The following MYO9A variants were observed in gnomAD, a reference collection of about 807,000 sequenced individuals.
The protein encoded by MYO9A is unconventional myosin-IXa.
A neutral mutation model predicts 293.3 loss-of-function variants in MYO9A; 103 were observed. That is an observed-to-expected ratio of 0.35 (90% CI 0.30 to 0.41). The LOEUF is 0.41. Among genes scored for constraint, MYO9A ranks in the 10% least tolerant of loss-of-function variants. The pLI is 1.00. For missense variants in MYO9A, 2,685 were observed against 3,033.0 expected (o/e 0.89, Z 2.69); for synonymous variants, 1,001 against 1,035.7 (o/e 0.97, Z 0.64).
At chr15:71,831,671 A>T (rs2054732903) in intron 39 of MYO9A, among the ~76,000 whole-genome samples, 1 of 152,368 alleles carries the variant, frequency 6.6e-6, no homozygotes, top group African/African-American at 2.4e-5. Context: ...GCAGAAAAAA[A>T]TGAAAACATT....
chr15:72,092,469 C>G lies in MYO9A; in HGVS notation c.-72+25211G>C, dbSNP rs1184235092. Among the ~76,000 whole-genome samples the G allele has an allele frequency of 2.0e-5, 3 of 152,106 alleles. No homozygotes were observed. In the East Asian group the frequency reaches 5.8e-4, roughly 29 times the overall value. ...GTGCCTGCCTGTAGTCCCAGCTACT[C>G]CGGAGGCTGAGGCAGCAGGATCCCT... On this transcript the variant is annotated intron_variant, in intron 1 of 41. Transcript: ENST00000356056.
chr15:71,926,469 G>A (rs1286470538), intron 18 of MYO9A, among the ~76,000 whole-genome samples: 1 of 152,162 alleles, frequency 6.6e-6, no homozygotes, highest in East Asian at 1.9e-4. Flanking sequence ...AGCACTTTGG[G>A]AGGCCGAGGC....
chr15:71,964,770 A>G (rs577747341), intron 13 of MYO9A, among the ~76,000 whole-genome samples: 1 of 152,044 alleles, frequency 6.6e-6, no homozygotes, highest in South Asian at 2.1e-4. Flanking sequence ...CGGGTGACAG[A>G]GTGAGACTCC....
chr15:71,929,839 G>A (rs1386469455), intron 18 of MYO9A, among the ~76,000 whole-genome samples: 1 of 152,176 alleles, frequency 6.6e-6, no homozygotes, highest in Non-Finnish European at 1.5e-5. Context: ...GGTTGAATGG[G>A]AGTTCAACTC....
chr15:71,934,677 T>C (rs1324338145), intron 17 of MYO9A, among the ~76,000 whole-genome samples: 2 of 151,684 alleles, frequency 1.3e-5, no homozygotes, highest in African/African-American at 4.8e-5. Flanking sequence ...CATGACTCAT[T>C]GCAGCCTCAA....
intron 1 of MYO9A, among the ~76,000 whole-genome samples, chr15:72,102,693 G>A (rs2080398973): frequency 6.6e-6 from 1 of 151,892 alleles, no homozygotes; most frequent in Non-Finnish European, 1.5e-5. Flanking sequence ...AAAAACAGAA[G>A]CTTCCTTGAT....
chr15:71,960,831 G>C (rs1224195166), intron 13 of MYO9A, among the ~76,000 whole-genome samples: 2 of 152,212 alleles, frequency 1.3e-5, no homozygotes, highest in Non-Finnish European at 2.9e-5. Context: ...AAAGAAGCCA[G>C]AGATGAGAAA....
chr15:71,928,675 T>C (rs1253644767), intron 18 of MYO9A, among the ~76,000 whole-genome samples: 1 of 152,156 alleles, frequency 6.6e-6, no homozygotes, highest in East Asian at 1.9e-4. Context: ...GAATTTACTA[T>C]AAAATAGTTT....
In MYO9A at chr15:71,974,490, T is replaced by C. The variant is rs555071086; in HGVS notation, c.1844+3681A>G. On this transcript the variant is annotated intron_variant, in intron 12 of 41. Coordinates refer to ENST00000356056, the MANE Select transcript of MYO9A (RefSeq NM_006901.4). ...GGGAGGAGTACACTGGTATAACAAC[T>C]ATAATTTTTTTCTTCCCCAGATGAC... is the stretch of plus-strand genomic sequence containing the variant. Among the ~76,000 whole-genome samples the C allele has an allele frequency of 1.2e-3, 183 of 152,204 alleles. 2 individuals are homozygous for C. Among genetic ancestry groups the C allele is most frequent in the Non-Finnish European group, 2.4e-3 (162 of 68,044 alleles).
Position 71,918,738 on chromosome 15 carries a change from T to C in MYO9A, c.2563-2246A>G, listed in dbSNP as rs554403519. Among the ~76,000 whole-genome samples, 12 of 152,250 alleles carry C rather than the reference T, an allele frequency of 7.9e-5. No individual in the cohort carries two copies. The South Asian group carries it at 2.1e-3, about 26-fold the overall frequency. On this transcript the variant is annotated intron_variant, in intron 18 of 41. Transcript: ENST00000356056. ...CCCCACTTCCACTTTTAAGATACTA[T>C]GGAGAAAAAGACCTTGGAAATAAAG...
intron 18 of MYO9A, among the ~76,000 whole-genome samples, chr15:71,926,774 A>T (rs2058324234): frequency 6.6e-6 from 1 of 152,178 alleles, no homozygotes; most frequent in Non-Finnish European, 1.5e-5. Context: ...GCAAATGAAA[A>T]GGCAGTGTCA....
intron 11 of MYO9A, 43 bp from the exon 12 acceptor site, chr15:71,978,335 A>G: frequency 6.5e-7 from 1 of 1,537,088 alleles, no homozygotes. Context: ...TTCATCTTGC[A>G]GAAAATAGGT....
At chr15:71,999,726 G>T in intron 9 of MYO9A, 125 bp downstream of exon 9, 1 of 643,874 alleles carries the variant, frequency 1.6e-6, no homozygotes, top group Non-Finnish European at 2.6e-6. Flanking sequence ...TAAAGGCCTA[G>T]AAAATATTTC....
intron 1 of MYO9A, among the ~76,000 whole-genome samples, chr15:72,098,429 T>C (rs1264629082): frequency 1.3e-5 from 2 of 152,114 alleles, no homozygotes; most frequent in African/African-American, 4.8e-5. Context: ...ACTAACATAC[T>C]AAAAATTGTC....
At chr15:71,973,961 C>A (rs930431230) in intron 12 of MYO9A, among the ~76,000 whole-genome samples, 24 of 152,046 alleles carry the variant, frequency 1.6e-4, no homozygotes, top group African/African-American at 5.6e-4. Flanking sequence ...GTGGGAAGAC[C>A]CTGAATGTAG....
At chr15:71,946,265 G>A (rs1292515327) in intron 15 of MYO9A, among the ~76,000 whole-genome samples, 1 of 152,000 alleles carries the variant, frequency 6.6e-6, no homozygotes, top group East Asian at 1.9e-4. Context: ...GAAGAGAATT[G>A]GTATAATAGT....
In MYO9A at chr15:71,950,446, T is replaced by C. The variant is rs74022486; in HGVS notation, c.2302+1331A>G. ...CCATTTGCAACTATTTAAGAGTTAATAGAAATTAATTTAAGTGTTCCAAAA... is the reference window on the plus strand; with the variant it reads ...CCATTTGCAACTATTTAAGAGTTAACAGAAATTAATTTAAGTGTTCCAAAA... On this transcript the variant is annotated intron_variant, in intron 15 of 41. Coordinates refer to ENST00000356056, the MANE Select transcript of MYO9A (RefSeq NM_006901.4). 881 of 152,338 alleles carry C rather than the reference T, an allele frequency of 5.8e-3. 7 individuals carry two copies. Among genetic ancestry groups the C allele is most frequent in the African/African-American group, 0.02 (820 of 41,576 alleles). The allele number at this position is 152,338 out of a possible 1,614,324, so 9.4% of individuals were successfully genotyped here. A position where few individuals can be genotyped will look rare whatever the true frequency, so the allele number is the denominator to read the frequency against.
rs916556498 is a variant in MYO9A, at chr15:72,008,071, T to C, written c.1254-119A>G. The C allele has an allele frequency of 4.9e-6, 6 of 1,213,424 alleles. No homozygotes were observed. The African/African-American group carries it at 9.3e-5, about 19-fold the overall frequency. 75.2% of individuals were successfully genotyped at this position (1,213,424 alleles called of 1,614,324 possible). A position where few individuals can be genotyped will look rare whatever the true frequency, so the allele number is the denominator to read the frequency against. On this transcript the variant is annotated intron_variant, in intron 7 of 41. Coordinates refer to ENST00000356056, the MANE Select transcript of MYO9A (RefSeq NM_006901.4). ...TATGAAGTATTTAGTCTTTGGAAAA[T>C]AAGCAATATGGGAATAATTACTAAA...
chr15:71,956,350 TA>T (rs1555490947), intron 14 of MYO9A, among the ~76,000 whole-genome samples: 1 of 121,168 alleles, frequency 8.3e-6, no homozygotes, highest in Non-Finnish European at 1.7e-5. Context: ...TATATATATA[TA>T]AAATACGCCC....
Sources: gnomAD v4.1 joint callset for allele counts (sites outside exome capture counted in the v4.1 genomes callset) on GRCh38, gnomAD v4.1.1 for gene constraint, MANE v1.5 for transcripts, NCBI Gene and HGNC (gene_info 2026-07-23, HGNC 2026-07-21) for gene names.